The following GRM7 variants were observed in gnomAD, a reference collection of about 807,000 sequenced individuals.
GRM7 encodes the protein glutamate metabotropic receptor 7, also known as metabotropic glutamate receptor 7.
GRM7 carries 35 observed loss-of-function variants against 84.5 expected under a neutral mutation model. That is an observed-to-expected ratio of 0.41 (90% CI 0.32 to 0.55). The LOEUF (loss-of-function observed/expected upper bound fraction) is 0.55. Among genes scored for constraint, GRM7 ranks in the 20% least tolerant of loss-of-function variants. GRM7 has a pLI of 0.19. For synonymous variants in GRM7, 487 were observed against 455.1 expected (o/e 1.07, Z -0.89); for missense variants, 1,003 against 1,194.6 (o/e 0.84, Z 2.36).
chr3:7,486,456 A>G lies in GRM7; in HGVS notation c.1515+24734A>G, dbSNP rs1030607884. Among the ~76,000 whole-genome samples, 1 of 152,188 alleles carries G rather than the reference A, an allele frequency of 6.6e-6. No individual in the cohort carries two copies. Among genetic ancestry groups the G allele is most frequent in the African/African-American group, 2.4e-5 (1 of 41,448 alleles). ...GATACCATTGAGAGGCAATTGGGTC[A>G]TAAAGCGTACTCCTTTATGAAGGGA... On this transcript the variant is annotated intron_variant, in intron 7 of 9. Transcript: ENST00000357716. The surrounding 1 kb of genome is among the most constrained non-coding windows in gnomAD (Gnocchi z 5.5).
intron 1 of GRM7, among the ~76,000 whole-genome samples, chr3:6,924,887 A>C (rs1456883462): frequency 2.0e-5 from 3 of 152,244 alleles, no homozygotes; most frequent in East Asian, 3.9e-4. Flanking sequence ...AAATCACTGA[A>C]ATTTTCAGAA....
chr3:7,189,011 T>C (rs930310878), intron 2 of GRM7, among the ~76,000 whole-genome samples: 2 of 152,208 alleles, frequency 1.3e-5, no homozygotes, highest in African/African-American at 2.4e-5. Flanking sequence ...CTCCGACCTG[T>C]TGCAGCCTTA....
At chr3:7,646,380 G>A (rs958188901) in intron 8 of GRM7, among the ~76,000 whole-genome samples, 1 of 151,994 alleles carries the variant, frequency 6.6e-6, no homozygotes, top group Admixed American at 6.6e-5. Flanking sequence ...TTTTAGTAGA[G>A]AGGGGGTTTC....
intron 7 of GRM7, among the ~76,000 whole-genome samples, chr3:7,576,262 C>G (rs55925409): frequency 6.1e-4 from 93 of 152,230 alleles, no homozygotes; most frequent in African/African-American, 2.1e-3. Context: ...GGGATGGCTT[C>G]CAGTGACTTA....
chr3:7,579,105 T>C lies in GRM7; in HGVS notation c.2199T>C (p.Asp733=). ...VDPPNIIIDY[D]EHKTMNPEQA... ...CACCCAACATCATCATAGACTATGATGAACACAAGACAATGAACCCTGAGC... is the reference window on the plus strand; with the variant it reads ...CACCCAACATCATCATAGACTATGACGAACACAAGACAATGAACCCTGAGC... The change falls in exon 8 of 10, where the codon GAT becomes GAC. Residue 733 remains aspartate, a synonymous_variant. Transcript: ENST00000357716. 6.2e-7 allele frequency: 1 copy of C among 1,613,972 alleles called. No homozygotes were observed. The highest frequency in any genetic ancestry group is 2.2e-5 in the East Asian group (1 of 44,862).
At chr3:7,693,442 C>G (rs1218746208) in intron 9 of GRM7, among the ~76,000 whole-genome samples, 1 of 152,082 alleles carries the variant, frequency 6.6e-6, no homozygotes. Flanking sequence ...CCACCAGGGT[C>G]ATTATCAGTC....
intron 2 of GRM7, among the ~76,000 whole-genome samples, chr3:7,263,319 G>A (rs1698508863): frequency 6.6e-6 from 1 of 152,168 alleles, no homozygotes; most frequent in Non-Finnish European, 1.5e-5. Flanking sequence ...AGGTGCAACA[G>A]GACCACTGGT....
intron 2 of GRM7, among the ~76,000 whole-genome samples, chr3:7,176,346 C>T (rs929592169): frequency 3.4e-5 from 5 of 148,544 alleles, no homozygotes; most frequent in African/African-American, 7.4e-5. Flanking sequence ...GCCAGGAGGT[C>T]GGTGCTGCAG....
intron 1 of GRM7, among the ~76,000 whole-genome samples, chr3:6,880,301 A>C (rs1429351409): frequency 1.3e-5 from 2 of 152,150 alleles, no homozygotes; most frequent in East Asian, 3.8e-4. Context: ...CCTCCTACAA[A>C]GGGTGCAATT....
rs567467833 is a variant in GRM7, at chr3:7,145,296, G to T, written c.520-1156G>T. ...TTGTAAGCAGAATTTTGTCAGAGTT[G>T]ATCATTCTTACGTGAAAATTAATTG... On this transcript the variant is annotated intron_variant, in intron 1 of 9. Transcript: ENST00000357716. 2.0e-5 allele frequency among the ~76,000 whole-genome samples: 3 copies of T among 152,142 alleles called. No homozygotes were observed. The South Asian group carries it at 6.2e-4, about 32-fold the overall frequency.
chr3:7,735,192 G>A (rs1702463707), intron 9 of GRM7, among the ~76,000 whole-genome samples: 1 of 152,148 alleles, frequency 6.6e-6, no homozygotes. Context: ...GGGGGAAGAG[G>A]CACAGACAGT....
chr3:7,052,683 C>T (rs1369396092), intron 1 of GRM7, among the ~76,000 whole-genome samples: 1 of 139,566 alleles, frequency 7.2e-6, no homozygotes, highest in African/African-American at 2.8e-5. Flanking sequence ...CAGTTTATTG[C>T]TCTTGATATG....
At chr3:7,109,577 G>C (rs1995199) in intron 1 of GRM7, among the ~76,000 whole-genome samples, 61,467 of 151,942 alleles carry the variant, frequency 0.4, 13,228 homozygotes, top group African/African-American at 0.57. Flanking sequence ...AGCACCAAAT[G>C]GTACAGCTTA....
chr3:7,532,327 A>T (rs1025899791), intron 7 of GRM7, among the ~76,000 whole-genome samples: 1 of 152,128 alleles, frequency 6.6e-6, no homozygotes, highest in Non-Finnish European at 1.5e-5. Context: ...CAGGGATTCA[A>T]CTTCTTCCTG....
intron 1 of GRM7, among the ~76,000 whole-genome samples, chr3:6,917,494 C>CTTTT (rs35883512): frequency 1.6e-5 from 2 of 126,358 alleles, no homozygotes; most frequent in East Asian, 2.3e-4. Flanking sequence ...TTGTTAATTG[C>CTTTT]TTTTTTTTTT....
At chr3:7,631,421 A>T (rs1215746344) in intron 8 of GRM7, among the ~76,000 whole-genome samples, 1 of 152,140 alleles carries the variant, frequency 6.6e-6, no homozygotes, top group Non-Finnish European at 1.5e-5. Context: ...AGGCCCCTAG[A>T]GATCCTTGAG....
At chr3:7,389,847 A>C (rs1379268131) in intron 4 of GRM7, among the ~76,000 whole-genome samples, 1 of 151,956 alleles carries the variant, frequency 6.6e-6, no homozygotes, top group African/African-American at 2.4e-5. Context: ...GTTTGCATTC[A>C]AAGTTAATAT....
chr3:7,041,154 A>G (rs897464596), intron 1 of GRM7, among the ~76,000 whole-genome samples: 15 of 152,156 alleles, frequency 9.9e-5, no homozygotes, highest in Non-Finnish European at 1.8e-4. Context: ...AAGTCCACAT[A>G]AAATTAAGCA....
chr3:6,957,190 G>A (rs1450250344), intron 1 of GRM7, among the ~76,000 whole-genome samples: 8 of 152,144 alleles, frequency 5.3e-5, no homozygotes, highest in Admixed American at 5.2e-4. Flanking sequence ...TTTCCATAAA[G>A]ATTCACTCTT....
Sources: gnomAD v4.1 joint callset for allele counts (sites outside exome capture counted in the v4.1 genomes callset) on GRCh38, gnomAD v4.1.1 for gene constraint, Gnocchi (gnomAD v3.1) non-coding constraint, MANE v1.5 for transcripts, NCBI Gene and HGNC (gene_info 2026-07-23, HGNC 2026-07-21) for gene names.